ANO3: variants seen among roughly 807,000 people sequenced by gnomAD.
The protein encoded by ANO3 is anoctamin 3.
In ANO3, 99 loss-of-function variants were observed where a neutral mutation model predicts 144.8. The ratio of observed to expected loss-of-function variants is 0.68; its 90% CI spans 0.58 to 0.81. The LOEUF is 0.81. ANO3 is among the 30% of genes least tolerant of loss of function. The pLI, the probability that ANO3 is intolerant of heterozygous loss-of-function variation, is 0.00. For synonymous variants in ANO3, 414 were observed against 392.6 expected (o/e 1.05, Z -0.64); for missense variants, 905 against 1,202.2 (o/e 0.75, Z 3.66).
At chr11:26,498,472 G>A (rs933250512) in intron 4 of ANO3, among the ~76,000 whole-genome samples, 1 of 150,362 alleles carries the variant, frequency 6.7e-6, no homozygotes, top group African/African-American at 2.4e-5. Context: ...AGATTATGCT[G>A]GTCTTTTAAA....
chr11:26,359,317 T>G (rs1358617652), intron 1 of ANO3, among the ~76,000 whole-genome samples: 1 of 152,124 alleles, frequency 6.6e-6, no homozygotes, highest in African/African-American at 2.4e-5. Context: ...GAGACAAGGC[T>G]TTTTTGGGGT....
At chr11:26,206,958 A>C (rs2133917263) in intron 1 of ANO3, among the ~76,000 whole-genome samples, 1 of 152,338 alleles carries the variant, frequency 6.6e-6, no homozygotes, top group Admixed American at 6.5e-5. Flanking sequence ...TTAATTTAAA[A>C]GTATGAAGGG....
chr11:26,506,360 C>T (rs891756716), intron 4 of ANO3, among the ~76,000 whole-genome samples: 3 of 152,190 alleles, frequency 2.0e-5, no homozygotes, highest in African/African-American at 7.2e-5. Flanking sequence ...CTGTATGTCA[C>T]TTAACCTCTT....
At chr11:26,281,342 G>T (rs148027999) in intron 1 of ANO3, among the ~76,000 whole-genome samples, 15 of 152,110 alleles carry the variant, frequency 9.9e-5, no homozygotes, top group African/African-American at 3.6e-4. Context: ...TCATATTCAC[G>T]TTTGAAAGAG....
At chr11:26,241,816 G>C (rs1199357309) in intron 1 of ANO3, among the ~76,000 whole-genome samples, 1 of 152,146 alleles carries the variant, frequency 6.6e-6, no homozygotes, top group African/African-American at 2.4e-5. Flanking sequence ...GGGTTATTCA[G>C]AAAGCAAGTA....
intron 1 of ANO3, among the ~76,000 whole-genome samples, chr11:26,224,020 A>T (rs1381180): frequency 0.3 from 45,986 of 151,974 alleles, 7,703 homozygotes; most frequent in Non-Finnish European, 0.37. Context: ...CACCGTTGGA[A>T]AAGGTTTTGG....
At chr11:26,410,918 C>T (rs1303294604) in intron 1 of ANO3, among the ~76,000 whole-genome samples, 1 of 151,956 alleles carries the variant, frequency 6.6e-6, no homozygotes, top group Non-Finnish European at 1.5e-5. Flanking sequence ...CAAGATATTG[C>T]CAGCTGTCAG....
At chr11:26,441,242 C>T (rs1858510100) in intron 1 of ANO3, among the ~76,000 whole-genome samples, 1 of 149,590 alleles carries the variant, frequency 6.7e-6, no homozygotes, top group South Asian at 2.1e-4. Flanking sequence ...CTCAGCCTCC[C>T]AAGTAGCTGG....
chr11:26,560,551 T>C (rs1404609812), intron 14 of ANO3: 2 of 153,074 alleles, frequency 1.3e-5, no homozygotes, highest in African/African-American at 4.8e-5. Flanking sequence ...GTCATTTCTA[T>C]TGCCTCAATT....
intron 1 of ANO3, among the ~76,000 whole-genome samples, chr11:26,415,086 G>GTA (rs1857544674): frequency 6.7e-6 from 1 of 150,326 alleles, no homozygotes; most frequent in Non-Finnish European, 1.5e-5. Flanking sequence ...GTGTGTGTGT[G>GTA]TGTTTGGGAG....
chr11:26,622,059 T>C (rs945139500), intron 17 of ANO3, among the ~76,000 whole-genome samples: 10 of 152,166 alleles, frequency 6.6e-5, no homozygotes, highest in African/African-American at 2.4e-4. Flanking sequence ...TTGTAGTCTG[T>C]AGTTTGAGAT....
intron 1 of ANO3, among the ~76,000 whole-genome samples, chr11:26,316,184 G>T (rs1320272130): frequency 6.6e-6 from 1 of 152,158 alleles, no homozygotes; most frequent in Non-Finnish European, 1.5e-5. Context: ...AGGCAGATCT[G>T]CAGGTCGAGA....
rs10835024 is a variant in ANO3, at chr11:26,623,317, G to A, written c.1837-1145G>A. Among the ~76,000 whole-genome samples the A allele has an allele frequency of 7.7e-4, 117 of 152,038 alleles. 1 individual carries two copies. Among genetic ancestry groups the A allele is most frequent in the African/African-American group, 2.6e-3 (106 of 41,462 alleles). On this transcript the variant is annotated intron_variant, in intron 17 of 26. Coordinates refer to ENST00000256737, the MANE Select transcript of ANO3 (RefSeq NM_031418.4). ...CCAGATGCATACCTTTTAATTTTTC[G>A]TGCCAACAGGGAAGGTTATTGGAAA...
intron 7 of ANO3, among the ~76,000 whole-genome samples, chr11:26,530,564 A>AAC (rs561302572): frequency 6.7e-4 from 101 of 151,630 alleles, no homozygotes; most frequent in Non-Finnish European, 1.1e-3. Flanking sequence ...TTAAAAAAAA[A>AAC]AAAACTCTCT....
At chr11:26,301,151 C>T (rs1854224095) in intron 1 of ANO3, among the ~76,000 whole-genome samples, 1 of 151,710 alleles carries the variant, frequency 6.6e-6, no homozygotes, top group African/African-American at 2.4e-5. Context: ...CACGCCCAGC[C>T]TCTTTACTTT....
At chr11:26,540,163 GA>G (rs146557422) in intron 10 of ANO3, among the ~76,000 whole-genome samples, 1 of 150,374 alleles carries the variant, frequency 6.7e-6, no homozygotes, top group African/African-American at 2.4e-5. Context: ...ATACAGAATT[GA>G]AAAAAAAATC....
chr11:26,601,643 T>G (rs932902914), intron 17 of ANO3, among the ~76,000 whole-genome samples: 1 of 152,252 alleles, frequency 6.6e-6, no homozygotes, highest in Non-Finnish European at 1.5e-5. Context: ...AGAGCCATTT[T>G]CAGCACAGAC....
intron 17 of ANO3, among the ~76,000 whole-genome samples, chr11:26,616,167 T>C (rs1852255401): frequency 1.3e-5 from 2 of 152,186 alleles, no homozygotes; most frequent in Admixed American, 1.3e-4. Flanking sequence ...AGTACATTGA[T>C]ATTATAAAAA....
chr11:26,198,753 A>T (rs1851636298), intron 1 of ANO3, among the ~76,000 whole-genome samples: 1 of 152,108 alleles, frequency 6.6e-6, no homozygotes, highest in Admixed American at 6.5e-5. Flanking sequence ...TTGTTGACAT[A>T]GTTTATGCCC....
Sources: allele counts gnomAD v4.1 joint callset (sites outside exome capture counted in the v4.1 genomes callset), GRCh38; gene constraint gnomAD v4.1.1; transcripts MANE v1.5; gene names NCBI Gene and HGNC (gene_info 2026-07-23, HGNC 2026-07-21).